The following SLC25A26 variants were observed in gnomAD, a reference collection of about 807,000 sequenced individuals.
SLC25A26 encodes solute carrier family 25 member 26, also known as mitochondrial S-adenosylmethionine carrier protein.
A neutral mutation model predicts 37.8 loss-of-function variants in SLC25A26; 36 were observed. The observed-to-expected ratio is 0.95, with a 90% CI of 0.73 to 1.26. The LOEUF is 1.26. Ranked by LOEUF, SLC25A26 falls within the 50% of genes most tolerant of loss-of-function variation. The pLI is 0.00. For synonymous variants in SLC25A26, 129 were observed against 122.5 expected, an observed-to-expected ratio of 1.05 and a Z score of -0.35; for missense variants, 390 against 331.1, an observed-to-expected ratio of 1.18 and a Z score of -1.38.
At chr3:66,140,526 C>T (rs990961907) in intron 1 of SLC25A26, among the ~76,000 whole-genome samples, 1 of 152,140 alleles carries the variant, frequency 6.6e-6, no homozygotes, top group African/African-American at 2.4e-5. Context: ...TTCACTAGAA[C>T]CTTCGAATGA....
At chr3:66,192,626 C>T (rs1039070999) in intron 1 of SLC25A26, among the ~76,000 whole-genome samples, 185 of 152,288 alleles carry the variant, frequency 1.2e-3, no homozygotes, top group African/African-American at 4.1e-3. Context: ...CAATCAGGCT[C>T]GGCCTCAGAC....
intron 1 of SLC25A26, among the ~76,000 whole-genome samples, chr3:66,213,541 C>T (rs2071316371): frequency 6.6e-6 from 1 of 151,452 alleles, no homozygotes; most frequent in East Asian, 1.9e-4. Context: ...CATATATCCT[C>T]TGCCCCCATA....
rs934103521 is a variant in SLC25A26 at position 66,204,257 on chromosome 3, C to G, written c.-353-16485C>G. On this transcript the variant is annotated intron_variant, in intron 1 of 10. Coordinates refer to the SLC25A26 transcript ENST00000676754. ...TGGCTAACACGGTGAAACCCCGTCT[C>G]TGCTTAAAATACAAAAAAATTAGCC... Among the ~76,000 whole-genome samples the G allele has an allele frequency of 5.3e-3, 805 of 151,878 alleles. 5 individuals are homozygous for G. Among genetic ancestry groups the G allele is most frequent in the East Asian group, 0.046 (236 of 5,146 alleles).
chr3:66,355,888 G>GA, intron 6 of SLC25A26: 1 of 397,414 alleles, frequency 2.5e-6, no homozygotes, highest in Non-Finnish European at 5.0e-6. Flanking sequence ...GCCTAGGTTT[G>GA]AAAAAACTAA....
chr3:66,178,855 G>A (rs1357699323), intron 1 of SLC25A26, among the ~76,000 whole-genome samples: 1 of 152,198 alleles, frequency 6.6e-6, no homozygotes, highest in Non-Finnish European at 1.5e-5. Flanking sequence ...GATACCGTCA[G>A]GTATGTATAT....
At chr3:66,160,036 T>C (rs1277776597) in intron 1 of SLC25A26, among the ~76,000 whole-genome samples, 1 of 152,116 alleles carries the variant, frequency 6.6e-6, no homozygotes, top group African/African-American at 2.4e-5. Flanking sequence ...ACAGTCTTGC[T>C]CTGTCACCCA....
intron 5 of SLC25A26, among the ~76,000 whole-genome samples, chr3:66,275,028 T>A (rs550158618): frequency 6.6e-6 from 1 of 151,928 alleles, no homozygotes; most frequent in African/African-American, 2.4e-5. Flanking sequence ...TAGACTGGAT[T>A]AAGAAAATGT....
At chr3:66,366,765 C>A (rs1159856286) in intron 7 of SLC25A26, among the ~76,000 whole-genome samples, 1 of 152,150 alleles carries the variant, frequency 6.6e-6, no homozygotes, top group Non-Finnish European at 1.5e-5. Flanking sequence ...AACAATTGGA[C>A]AAATTTTAAT....
chr3:66,185,508 T>C (rs954110831), intron 1 of SLC25A26, among the ~76,000 whole-genome samples: 94 of 152,298 alleles, frequency 6.2e-4, no homozygotes, highest in Non-Finnish European at 9.8e-4. Context: ...TTTAATTTTT[T>C]GAGGAACCAA....
chr3:66,347,660 A>G (rs986633004), intron 6 of SLC25A26, among the ~76,000 whole-genome samples: 4 of 152,254 alleles, frequency 2.6e-5, no homozygotes, highest in African/African-American at 9.6e-5. Flanking sequence ...TTCTGTTATA[A>G]AGATACATAC....
At chr3:66,301,185 A>C (rs886408838) in intron 5 of SLC25A26, among the ~76,000 whole-genome samples, 1 of 152,204 alleles carries the variant, frequency 6.6e-6, no homozygotes, top group Non-Finnish European at 1.5e-5. Context: ...ATTCAACTCA[A>C]AATTGCCAGT....
At chr3:66,288,542 G>C (rs552654169) in intron 5 of SLC25A26, among the ~76,000 whole-genome samples, 1 of 152,082 alleles carries the variant, frequency 6.6e-6, no homozygotes, top group East Asian at 1.9e-4. Flanking sequence ...TGTTCTCATT[G>C]TTCAACTCCC....
chr3:66,217,504 G>A (rs1243614670), upstream of SLC25A26, among the ~76,000 whole-genome samples: 4 of 151,788 alleles, frequency 2.6e-5, no homozygotes, highest in South Asian at 2.1e-4. Context: ...ATCATCCTGC[G>A]AGATAGTAAT....
At chr3:66,346,443 T>A in intron 6 of SLC25A26, 35 bp downstream of exon 6, 1 of 1,177,078 alleles carries the variant, frequency 8.5e-7, no homozygotes, top group Non-Finnish European at 1.2e-6. Context: ...AATTTGTCTC[T>A]AATTATAACA....
intron 1 of SLC25A26, among the ~76,000 whole-genome samples, chr3:66,134,248 C>T (rs548221925): frequency 6.6e-6 from 1 of 152,102 alleles, no homozygotes; most frequent in Non-Finnish European, 1.5e-5. Flanking sequence ...TAATAACTGC[C>T]CTTATTTTGT....
At chr3:66,330,245 A>G (rs1161903739) in intron 5 of SLC25A26, among the ~76,000 whole-genome samples, 5 of 152,156 alleles carry the variant, frequency 3.3e-5, no homozygotes, top group Non-Finnish European at 7.3e-5. Flanking sequence ...TAGGTAGAGC[A>G]GGTTTGGGAG....
intron 1 of SLC25A26, among the ~76,000 whole-genome samples, chr3:66,165,316 A>C (rs1327833610): frequency 6.6e-6 from 1 of 152,190 alleles, no homozygotes; most frequent in South Asian, 2.1e-4. Flanking sequence ...AGAAACTTTG[A>C]GCCTGAGCTA....
chr3:66,373,245 G>C lies in SLC25A26; in HGVS notation c.707+2643G>C, dbSNP rs115413344. Among the ~76,000 whole-genome samples, 651 of 152,210 alleles carry C rather than the reference G, an allele frequency of 4.3e-3. 5 individuals are homozygous for C. Among genetic ancestry groups the C allele is most frequent in the South Asian group, 8.9e-3 (43 of 4,826 alleles). ...TCTGTCTGGCATTGTAAGTGCTTAC[G>C]TTTGCTCTCATTTAATCTGTGGGCA... On this transcript the variant is annotated intron_variant, in intron 9 of 9. Transcript: ENST00000354883.
At chr3:66,218,911 T>C (rs1386858200), upstream of SLC25A26, among the ~76,000 whole-genome samples, 3 of 152,242 alleles carry the variant, frequency 2.0e-5, no homozygotes, top group Non-Finnish European at 4.4e-5. Flanking sequence ...ATCTTGACTG[T>C]AGTGTCATGA....
Sources: allele counts gnomAD v4.1 joint callset (sites outside exome capture counted in the v4.1 genomes callset), GRCh38; gene constraint gnomAD v4.1.1; transcripts MANE v1.5; gene names NCBI Gene and HGNC (gene_info 2026-07-23, HGNC 2026-07-21).